Variants in COX7A2L observed in about 807,000 individuals in gnomAD.
COX7A2L encodes cytochrome c oxidase subunit 7A2-like, mitochondrial.
COX7A2L carries 18 observed loss-of-function variants against 14.2 expected under a neutral mutation model. That is an observed-to-expected ratio of 1.27 (90% CI 0.88 to 1.88). The LOEUF (loss-of-function observed/expected upper bound fraction) is 1.88, where lower values mean the gene tolerates loss of function less well. Among genes scored for constraint, COX7A2L ranks in the 40% most tolerant of loss-of-function variants. The pLI, the probability that COX7A2L is intolerant of heterozygous loss-of-function variation, is 0.00. For synonymous variants in COX7A2L, 65 were observed against 57.4 expected (o/e 1.13, Z -0.60); for missense variants, 179 against 138.8 (o/e 1.29, Z -1.46).
chr2:42,349,651 G>A lies in COX7A2L; in HGVS notation c.*1568C>T, dbSNP rs528276258. 2.6e-5 allele frequency: 4 copies of A among 152,262 alleles called. No individual in the cohort carries two copies. The highest frequency in any genetic ancestry group is 9.6e-5 in the African/African-American group (4 of 41,532). The allele number at this position is 152,262 out of a possible 1,614,324, so 9.4% of individuals were successfully genotyped here. A position where few individuals can be genotyped will look rare whatever the true frequency, so the allele number is the denominator to read the frequency against. On this transcript the variant is annotated 3_prime_UTR_variant, in exon 3 of 3. Transcript: ENST00000234301. Reference sequence around the variant, plus strand: ...TGTTATTTTTTAAAAACACAACTATGAAGAACTCATTATTAGAACACCTGG... The same window carrying A: ...TGTTATTTTTTAAAAACACAACTATAAAGAACTCATTATTAGAACACCTGG...
chr2:42,358,598 A>G (rs1670906873), intron 1 of COX7A2L, among the ~76,000 whole-genome samples: 1 of 152,236 alleles, frequency 6.6e-6, no homozygotes. Context: ...AAGCCTACAC[A>G]GTATCACTTC....
At position 42,338,073 on chromosome 2, in the gene COX7A2L, A is replaced by C. The variant is rs888376552; in HGVS notation, c.193-4204T>G. ...TCTGGGACCATAGGGACAAGAGACGACCCGGGAGCACTAAGAATTCATCTT... is the reference window on the plus strand; with the variant it reads ...TCTGGGACCATAGGGACAAGAGACGCCCCGGGAGCACTAAGAATTCATCTT... On this transcript the variant is annotated intron_variant, in intron 2 of 2. Coordinates refer to the COX7A2L transcript ENST00000468711. The surrounding 1 kb of genome is among the most constrained non-coding windows in gnomAD (Gnocchi z 4.4). 1.3e-5 allele frequency among the ~76,000 whole-genome samples: 2 copies of C among 152,150 alleles called. No homozygotes were observed. Among genetic ancestry groups the C allele is most frequent in the African/African-American group, 4.8e-5 (2 of 41,434 alleles).
upstream of COX7A2L, chr2:42,361,978 T>C (rs1454447571): frequency 2.0e-5 from 3 of 152,206 alleles, no homozygotes; most frequent in African/African-American, 7.2e-5. Context: ...GAAATACACA[T>C]GCAGAGTGAT....
chr2:42,353,205 C>T lies in COX7A2L; in HGVS notation c.204+7G>A. On this transcript the variant is annotated splice_region_variant and intron_variant, in intron 2 of 2. Transcript: ENST00000234301. ...AGGCTTTTCTGTTGTAGAGTATCTT[C>T]CCTCACCTGGAAAAACTTTTGTAGC... 6.2e-7 allele frequency: 1 copy of T among 1,613,708 alleles called. No individual in the cohort carries two copies. Among genetic ancestry groups the T allele is most frequent in the Non-Finnish European group, 8.5e-7 (1 of 1,179,944 alleles).
At chr2:42,353,457 CA>C in intron 1 of COX7A2L, 114 bp from the exon 2 acceptor site, 1 of 1,375,968 alleles carries the variant, frequency 7.3e-7, no homozygotes, top group Middle Eastern at 1.9e-4. Flanking sequence ...CCAACTTTCC[CA>C]GAGCAAACCC....
chr2:42,361,506 G>A, upstream of COX7A2L: 2 of 201,734 alleles, frequency 9.9e-6, no homozygotes, highest in Non-Finnish European at 1.0e-5. Context: ...TAAGCCCGGC[G>A]GACTAAGCCC....
rs563607334 is a variant in COX7A2L, at chr2:42,353,414, G to A, written c.73-71C>T. Reference sequence around the variant, plus strand: ...GAGGCTGTCTGGAATAGTGGAGGCAGCCATTCAACTACGAGAGAGCAAGAA... The same window carrying A: ...GAGGCTGTCTGGAATAGTGGAGGCAACCATTCAACTACGAGAGAGCAAGAA... On this transcript the variant is annotated intron_variant, in intron 1 of 2. Coordinates refer to ENST00000234301, the MANE Select transcript of COX7A2L (RefSeq NM_004718.4). The A allele has an allele frequency of 5.1e-4, 804 of 1,575,616 alleles. 5 individuals carry two copies. The highest frequency in any genetic ancestry group is 4.9e-3 in the South Asian group (428 of 86,774).
intron 2 of COX7A2L, 72 bp from the exon 3 acceptor site, chr2:42,351,431 C>T: frequency 1.3e-6 from 2 of 1,558,102 alleles, no homozygotes; most frequent in Middle Eastern, 1.7e-4. Flanking sequence ...TAAAAAATAA[C>T]AAATTTGTCT....
At chr2:42,344,494 T>C (rs1403551201), downstream of COX7A2L, among the ~76,000 whole-genome samples, 1 of 152,260 alleles carries the variant, frequency 6.6e-6, no homozygotes, top group Non-Finnish European at 1.5e-5. Context: ...TTGTTCTAGA[T>C]TGAATTATTA....
intron 1 of COX7A2L, among the ~76,000 whole-genome samples, chr2:42,358,332 T>G (rs562138540): frequency 6.6e-6 from 1 of 152,322 alleles, no homozygotes; most frequent in South Asian, 2.1e-4. Flanking sequence ...CAATGGAAAA[T>G]GCCATCCCAC....
At chr2:42,364,250 C>CAAAAAAAAAAAAAAAAAAA (rs35151680), upstream of COX7A2L, among the ~76,000 whole-genome samples, 4 of 85,414 alleles carry the variant, frequency 4.7e-5, no homozygotes, top group African/African-American at 1.7e-4. Flanking sequence ...GACTCCGTCT[C>CAAAAAAAAAAAAAAAAAAA]AAAAAAAAAA....
In COX7A2L at chr2:42,351,202, G is replaced by C; in HGVS notation, c.*17C>G. ...AGGGTTTATGCCAAAAAACAAACCA[G>C]TCCTCTGCAGCCTAACTCATTTGTT... On this transcript the variant is annotated 3_prime_UTR_variant, in exon 3 of 3. Transcript: ENST00000234301. 1 of 1,609,468 alleles carries C rather than the reference G, an allele frequency of 6.2e-7. No homozygotes were observed. The highest frequency in any genetic ancestry group is 8.5e-7 in the Non-Finnish European group (1 of 1,177,906).
At chr2:42,340,929 G>A (rs749778821) in intron 2 of COX7A2L, among the ~76,000 whole-genome samples, 2 of 152,164 alleles carry the variant, frequency 1.3e-5, no homozygotes, top group Non-Finnish European at 2.9e-5. Context: ...GCAAATGGTC[G>A]GCACCTCTAA....
intron 1 of COX7A2L, among the ~76,000 whole-genome samples, chr2:42,360,230 G>A (rs1462699002): frequency 6.6e-6 from 1 of 152,346 alleles, no homozygotes; most frequent in East Asian, 1.9e-4. Context: ...CTGGTGAACA[G>A]TTAACACTTA....
intron 1 of COX7A2L, 84 bp from the exon 2 acceptor site, chr2:42,353,427 G>C: frequency 6.5e-7 from 1 of 1,544,598 alleles, no homozygotes; most frequent in South Asian, 1.2e-5. Flanking sequence ...ATTCAACTAC[G>C]AGAGAGCAAG....
rs996456315 is a variant in COX7A2L at position 42,342,051 on chromosome 2, G to A, written c.193-8182C>T. ...GGAAGATGGGGTTAAAGCCCTCCCA[G>A]GTATGAACTGATTCTAGAGCATCTG... On this transcript the variant is annotated intron_variant, in intron 2 of 2. Coordinates refer to the COX7A2L transcript ENST00000468711. The surrounding 1 kb of genome is among the most constrained non-coding windows in gnomAD (Gnocchi z 4.9). Among the ~76,000 whole-genome samples the A allele has an allele frequency of 4.6e-5, 7 of 152,164 alleles. No homozygotes were observed. Among genetic ancestry groups the A allele is most frequent in the African/African-American group, 1.7e-4 (7 of 41,432 alleles).
At chr2:42,355,485 G>C (rs1020179930) in intron 1 of COX7A2L, among the ~76,000 whole-genome samples, 2 of 152,124 alleles carry the variant, frequency 1.3e-5, no homozygotes, top group South Asian at 4.1e-4. Context: ...AGCATGCAGT[G>C]ATTCAAAACT....
downstream of COX7A2L, chr2:42,349,275 T>C (rs1670564547): frequency 6.6e-6 from 1 of 152,142 alleles, no homozygotes; most frequent in African/African-American, 2.4e-5. Context: ...ATTCAGATAA[T>C]AGAGTATCGA....
Position 42,361,118 on chromosome 2 carries a change from G to A in COX7A2L, c.44C>T (p.Ala15Val), listed in dbSNP as rs745922132. 2.0e-5 allele frequency: 33 copies of A among 1,613,730 alleles called. No individual in the cohort carries two copies. The highest frequency in any genetic ancestry group is 2.7e-5 in the African/African-American group (2 of 74,920). The change falls in exon 1 of 3, where the codon GCA becomes GTA. Residue 15 changes from alanine (A) to valine (V), a missense_variant. Transcript: ENST00000234301. ...CGGGCTATAGGCCTCCGAAGCCCAT[G>A]CTCCTGCCAACTTCTGCGTGAAGCC... is the stretch of plus-strand genomic sequence containing the variant. Reference protein sequence around the residue: ...FSGFTQKLAGAWASEAYSPQG... With the variant: ...FSGFTQKLAGVWASEAYSPQG...
Sources: allele counts gnomAD v4.1 joint callset (sites outside exome capture counted in the v4.1 genomes callset), GRCh38; gene constraint gnomAD v4.1.1; non-coding constraint Gnocchi (gnomAD v3.1); transcripts MANE v1.5; gene names NCBI Gene and HGNC (gene_info 2026-07-23, HGNC 2026-07-21).